Variants in VPS13B observed in about 807,000 individuals in gnomAD.
The protein encoded by VPS13B is vacuolar protein sorting 13 homolog B, also known as intermembrane lipid transfer protein VPS13B.
In VPS13B, 285 loss-of-function variants were observed where a neutral mutation model predicts 426.4. The ratio of observed to expected loss-of-function variants is 0.67; its 90% confidence interval spans 0.61 to 0.74. The LOEUF is 0.74. Ranked by LOEUF, VPS13B falls within the 30% of genes least tolerant of loss-of-function variation. VPS13B has a pLI of 0.00. For missense variants in VPS13B, 4,537 were observed against 4,782.6 expected (o/e 0.95, Z 1.51); for synonymous variants, 1,676 against 1,676.4 (o/e 1.00, Z 0.01).
In VPS13B at chr8:99,642,488, C is replaced by T. The variant is rs1292940834; in HGVS notation, c.5898C>T (p.Tyr1966=). The T allele has an allele frequency of 7.4e-6, 12 of 1,612,516 alleles. No homozygotes were observed. The highest frequency in any genetic ancestry group is 1.7e-6 in the Non-Finnish European group (2 of 1,179,666). Residue 1966 remains tyrosine (Y), a synonymous_variant, in exon 34 of 62, where the codon TAC becomes TAT. Transcript: ENST00000357162. ...DAVLKGVASD[Y]KCIDPGKTLP... The stretch of plus-strand genomic sequence containing the variant: ...TGCTTAAAGGGGTGGCCTCTGATTA[C>T]AAATGTATAGGTAAGAACCTTCAAA...
At chr8:99,239,172 C>G (rs1365273479) in intron 17 of VPS13B, among the ~76,000 whole-genome samples, 1 of 152,140 alleles carries the variant, frequency 6.6e-6, no homozygotes, top group Non-Finnish European at 1.5e-5. Context: ...AATTCAGATA[C>G]TAATGACTGA....
In VPS13B at chr8:99,697,724, G is replaced by A. The variant is rs906137705; in HGVS notation, c.6047-1801G>A. On this transcript the variant is annotated intron_variant, in intron 35 of 61. Transcript: ENST00000357162. ...GAGATGGACCAGGGCCTGCAAGCTGGGCCTGGCCTAGGGCGCGCCCGTAGG... is the reference window on the plus strand; with the variant it reads ...GAGATGGACCAGGGCCTGCAAGCTGAGCCTGGCCTAGGGCGCGCCCGTAGG... 251 of 625,244 alleles carry A rather than the reference G, an allele frequency of 4.0e-4. 2 individuals carry two copies. Among genetic ancestry groups the A allele is most frequent in the Non-Finnish European group, 4.5e-5 (15 of 330,396 alleles). The allele number at this position is 625,244 out of a possible 1,614,324, so 38.7% of individuals were successfully genotyped here. A position where few individuals can be genotyped will look rare whatever the true frequency, so the allele number is the denominator to read the frequency against.
intron 54 of VPS13B, among the ~76,000 whole-genome samples, chr8:99,845,028 A>G (rs1815908069): frequency 6.6e-6 from 1 of 152,176 alleles, no homozygotes; most frequent in African/African-American, 2.4e-5. Flanking sequence ...CTCTCAAGTC[A>G]TCTCAAGCAA....
intron 16 of VPS13B, among the ~76,000 whole-genome samples, chr8:99,187,825 G>A (rs886802007): frequency 5.9e-5 from 9 of 151,826 alleles, no homozygotes; most frequent in Admixed American, 2.0e-4. Flanking sequence ...AAAATTAGCC[G>A]GGCATGCTGG....
At chr8:99,460,521 A>T (rs1818767989) in intron 23 of VPS13B, among the ~76,000 whole-genome samples, 1 of 152,184 alleles carries the variant, frequency 6.6e-6, no homozygotes, top group African/African-American at 2.4e-5. Context: ...AGAGTCTTTC[A>T]TATAACCCAC....
chr8:99,098,146 T>G (rs1205265519), intron 4 of VPS13B, among the ~76,000 whole-genome samples: 1 of 152,170 alleles, frequency 6.6e-6, no homozygotes, highest in Admixed American at 6.5e-5. Flanking sequence ...GTTCACTCTG[T>G]TTTTTGTTCC....
At chr8:99,169,049 G>A (rs1812179551) in intron 15 of VPS13B, among the ~76,000 whole-genome samples, 1 of 151,856 alleles carries the variant, frequency 6.6e-6, no homozygotes, top group Non-Finnish European at 1.5e-5. Flanking sequence ...TCATTAAATA[G>A]TATTTTGAAA....
chr8:99,801,625 C>G (rs1048888068), intron 43 of VPS13B, among the ~76,000 whole-genome samples: 1 of 152,080 alleles, frequency 6.6e-6, no homozygotes, highest in African/African-American at 2.4e-5. Context: ...AAAATACATT[C>G]TCTGGTCCAA....
chr8:99,662,374 G>A (rs1175452361), intron 35 of VPS13B, among the ~76,000 whole-genome samples: 1 of 151,802 alleles, frequency 6.6e-6, no homozygotes, highest in Non-Finnish European at 1.5e-5. Context: ...TTATTTTGTA[G>A]TTACAGTGCT....
chr8:99,313,635 A>G (rs868793780), intron 19 of VPS13B, among the ~76,000 whole-genome samples: 7 of 152,282 alleles, frequency 4.6e-5, no homozygotes, highest in Middle Eastern at 3.4e-3. Context: ...TTGAGGGGGC[A>G]GTCTGTCCAT....
At chr8:99,547,661 C>T (rs1824060602) in intron 30 of VPS13B, among the ~76,000 whole-genome samples, 1 of 152,058 alleles carries the variant, frequency 6.6e-6, no homozygotes, top group African/African-American at 2.4e-5. Context: ...TTAAAGTCTT[C>T]TTTGGTTCCT....
intron 19 of VPS13B, among the ~76,000 whole-genome samples, chr8:99,290,436 A>G (rs1042452431): frequency 6.6e-6 from 1 of 152,040 alleles, no homozygotes; most frequent in African/African-American, 2.4e-5. Flanking sequence ...GTTCTCACTC[A>G]TAGGTGGGAA....
At chr8:99,323,484 A>G (rs144791888) in intron 19 of VPS13B, among the ~76,000 whole-genome samples, 25 of 152,340 alleles carry the variant, frequency 1.6e-4, no homozygotes, top group African/African-American at 5.8e-4. Context: ...GGCTTAGGCA[A>G]TATATTGCAA....
intron 43 of VPS13B, among the ~76,000 whole-genome samples, chr8:99,808,275 C>A (rs186880851): frequency 6.6e-6 from 1 of 152,232 alleles, no homozygotes; most frequent in African/African-American, 2.4e-5. Flanking sequence ...AATCCTAGCA[C>A]TTTGGGAGGC....
intron 3 of VPS13B, among the ~76,000 whole-genome samples, chr8:99,043,420 T>C (rs192872439): frequency 4.6e-4 from 70 of 152,282 alleles, no homozygotes; most frequent in African/African-American, 1.6e-3. Flanking sequence ...AAGAGAGGTA[T>C]CACCTCTCTC....
In VPS13B at chr8:99,501,805, T is replaced by G; in HGVS notation, c.3989T>G (p.Leu1330Arg). Residue 1330 changes from leucine to arginine, a missense_variant, in exon 26 of 62, where the codon CTT (leucine) becomes CGT (arginine). Leu to Arg is a moderately radical substitution (Grantham distance 102, BLOSUM62 -2). Transcript: ENST00000357162. ...GTTAGTTTATGGATGCAGTGGGTGCTTCCCAAAATTACTATAAAGCTCTTT... is the reference window on the plus strand; with the variant it reads ...GTTAGTTTATGGATGCAGTGGGTGCGTCCCAAAATTACTATAAAGCTCTTT... ...GRVSLWMQWV[L>R]PKITIKLFAP... is the part of the protein sequence containing the mutation. 6.2e-7 allele frequency: 1 copy of G among 1,614,078 alleles called. No individual in the cohort carries two copies. The highest frequency in any genetic ancestry group is 8.5e-7 in the Non-Finnish European group (1 of 1,180,016).
intron 33 of VPS13B, among the ~76,000 whole-genome samples, chr8:99,630,663 G>T (rs1348102149): frequency 1.4e-5 from 2 of 147,938 alleles, no homozygotes; most frequent in African/African-American, 2.5e-5. Flanking sequence ...TGTTCTAGGT[G>T]CTAGGTGATA....
At chr8:99,183,655 G>GA (rs1221118390) in intron 16 of VPS13B, among the ~76,000 whole-genome samples, 1 of 151,978 alleles carries the variant, frequency 6.6e-6, no homozygotes, top group African/African-American at 2.4e-5. Context: ...CAGAGTGTTG[G>GA]AAAATCTTAG....
chr8:99,061,448 G>C (rs1844186135), intron 3 of VPS13B, among the ~76,000 whole-genome samples: 1 of 151,902 alleles, frequency 6.6e-6, no homozygotes, highest in Non-Finnish European at 1.5e-5. Context: ...TTACTAGTCT[G>C]ACAATTCCTG....
Sources: gnomAD v4.1 joint callset for allele counts (sites outside exome capture counted in the v4.1 genomes callset) on GRCh38, gnomAD v4.1.1 for gene constraint, MANE v1.5 for transcripts, NCBI Gene and HGNC (gene_info 2026-07-23, HGNC 2026-07-21) for gene names.